Variants in FRMD6 observed in about 807,000 individuals in gnomAD.
The protein encoded by FRMD6 is FERM domain containing 6.
A neutral mutation model predicts 73.2 loss-of-function variants in FRMD6; 37 were observed. That is an observed-to-expected ratio of 0.51 (90% CI 0.39 to 0.66). The LOEUF is 0.66. Ranked by LOEUF, FRMD6 falls within the 30% of genes least tolerant of loss-of-function variation. The pLI, the probability that FRMD6 is intolerant of heterozygous loss-of-function variation, is 0.00. For missense variants in FRMD6, 714 were observed against 780.5 expected (o/e 0.91, Z 1.02); for synonymous variants, 273 against 282.2 (o/e 0.97, Z 0.33).
At chr14:51,446,445 G>GACACACACACAC in the FRMD6 span, among the ~76,000 whole-genome samples, 79 of 139,224 alleles carry the variant, frequency 5.7e-4, 1 homozygote, top group South Asian at 9.9e-4. Context: ...CTCTTGTGTA[G>GACACACACACAC]ACACACACAC....
intron 1 of FRMD6, among the ~76,000 whole-genome samples, chr14:51,513,535 G>T (rs552873857): frequency 6.6e-6 from 1 of 152,120 alleles, no homozygotes; most frequent in Non-Finnish European, 1.5e-5. Flanking sequence ...AAGTCTGGAT[G>T]GCAGAGCCTC....
rs538670816 is a variant in FRMD6, at chr14:51,568,845, C to CTT, written c.-209-1487_-209-1486dup. 4.7e-4 allele frequency among the ~76,000 whole-genome samples: 64 copies of CTT among 137,394 alleles called. 1 individual carries two copies. The highest frequency in any genetic ancestry group is 3.8e-3 in the Middle Eastern group (1 of 262). 90.1% of individuals were successfully genotyped at this position (137,394 alleles called of 152,430 possible). On this transcript the variant is annotated intron_variant, in intron 1 of 14. Coordinates refer to the FRMD6 transcript ENST00000356218. ...AATAAAATATCCAGAAAGGCTTTTACTTTTTTTTTTTTTTTTTGAGATGGA... is the reference window on the plus strand; with the variant it reads ...AATAAAATATCCAGAAAGGCTTTTACTTTTTTTTTTTTTTTTTTTGAGATGGA...
chr14:51,402,994 G>T, the FRMD6 span, among the ~76,000 whole-genome samples: 12 of 152,166 alleles, frequency 7.9e-5, no homozygotes, highest in African/African-American at 2.9e-4. Flanking sequence ...GGTAGGGGAC[G>T]CAGGAAGGTT....
intron 1 of FRMD6, among the ~76,000 whole-genome samples, chr14:51,689,155 G>A (rs1895374717): frequency 6.6e-6 from 1 of 152,212 alleles, no homozygotes; most frequent in Non-Finnish European, 1.5e-5. Flanking sequence ...GATAAATGTT[G>A]TAGAGAGATC....
At chr14:51,438,970 A>G in the FRMD6 span, among the ~76,000 whole-genome samples, 1 of 152,348 alleles carries the variant, frequency 6.6e-6, no homozygotes, top group African/African-American at 2.4e-5. Context: ...AAGTTGTTCA[A>G]ATATGACTAT....
intron 6 of FRMD6, among the ~76,000 whole-genome samples, 159 bp downstream of exon 6, chr14:51,705,094 C>G (rs777390737): frequency 2.6e-5 from 4 of 152,078 alleles, no homozygotes; most frequent in African/African-American, 9.7e-5. Context: ...TGGTGCACAT[C>G]ATGTCTTCAT....
chr14:51,586,362 G>A (rs547323413), intron 2 of FRMD6, among the ~76,000 whole-genome samples: 14 of 151,998 alleles, frequency 9.2e-5, no homozygotes, highest in Admixed American at 7.9e-4. Context: ...TCATATGTTT[G>A]TTGGCCACAT....
At position 51,568,180 on chromosome 14, in the gene FRMD6, G is replaced by T. The variant is rs142627196; in HGVS notation, c.-209-2168G>T. Among the ~76,000 whole-genome samples, 1,180 of 152,346 alleles carry T rather than the reference G, an allele frequency of 7.7e-3. 7 individuals are homozygous for T. The highest frequency in any genetic ancestry group is 0.017 in the Middle Eastern group (5 of 294). On this transcript the variant is annotated intron_variant, in intron 1 of 14. Coordinates refer to the FRMD6 transcript ENST00000356218. ...CTATATTTAGTCCCATGGAGGTGAT[G>T]TTGTTCCTTACAAGCCTTGACTGTG... is the stretch of plus-strand genomic sequence containing the variant.
chr14:51,426,823 C>A, the FRMD6 span, among the ~76,000 whole-genome samples: 4 of 152,286 alleles, frequency 2.6e-5, no homozygotes, highest in East Asian at 7.7e-4. Flanking sequence ...AGTGAGGACC[C>A]TGGCTCGCAG....
intron 2 of FRMD6, among the ~76,000 whole-genome samples, chr14:51,601,517 G>A (rs1490298341): frequency 6.6e-6 from 1 of 152,178 alleles, no homozygotes; most frequent in African/African-American, 2.4e-5. Context: ...TCCAGGTTCA[G>A]TCATATGCTA....
chr14:51,617,457 C>T (rs1890759293), intron 2 of FRMD6, among the ~76,000 whole-genome samples: 1 of 152,138 alleles, frequency 6.6e-6, no homozygotes, highest in Admixed American at 6.5e-5. Context: ...TTGAGAAAAG[C>T]TCAGTATGTT....
chr14:51,686,013 A>G (rs1413359114), intron 1 of FRMD6, among the ~76,000 whole-genome samples: 1 of 152,176 alleles, frequency 6.6e-6, no homozygotes, highest in Admixed American at 6.6e-5. Flanking sequence ...CTACTTAGTC[A>G]TGCTTCGCTT....
At chr14:51,528,928 A>T (rs767701107) in intron 1 of FRMD6, among the ~76,000 whole-genome samples, 1 of 152,154 alleles carries the variant, frequency 6.6e-6, no homozygotes, top group Non-Finnish European at 1.5e-5. Context: ...GAGCTTTCCC[A>T]TCAAAGGGTG....
chr14:51,475,045 C>T, the FRMD6 span, among the ~76,000 whole-genome samples: 2 of 152,168 alleles, frequency 1.3e-5, no homozygotes, highest in Non-Finnish European at 2.9e-5. Context: ...ATGATAATCC[C>T]CACTTCCAAT....
chr14:51,635,122 C>T (rs1324613753), intron 2 of FRMD6, among the ~76,000 whole-genome samples: 1 of 152,120 alleles, frequency 6.6e-6, no homozygotes, highest in Non-Finnish European at 1.5e-5. Context: ...GTGGTTCACA[C>T]CTGTAATTCC....
chr14:51,485,953 A>T (rs1284621470), upstream of FRMD6, among the ~76,000 whole-genome samples: 1 of 151,832 alleles, frequency 6.6e-6, no homozygotes, highest in East Asian at 1.9e-4. Flanking sequence ...AGAATCCCAG[A>T]CCTGATTGTT....
chr14:51,437,914 G>T, the FRMD6 span, among the ~76,000 whole-genome samples: 2 of 152,218 alleles, frequency 1.3e-5, no homozygotes, highest in Non-Finnish European at 2.9e-5. Context: ...GCTGGAAGTT[G>T]TGAGGCCTCT....
intron 1 of FRMD6, among the ~76,000 whole-genome samples, chr14:51,495,205 T>A (rs763862906): frequency 1.3e-5 from 2 of 152,228 alleles, no homozygotes; most frequent in Non-Finnish European, 1.5e-5. Context: ...TCACCTTTCT[T>A]CCATTGTTTA....
At chr14:51,518,499 T>C (rs184746692) in intron 1 of FRMD6, among the ~76,000 whole-genome samples, 1 of 152,212 alleles carries the variant, frequency 6.6e-6, no homozygotes, top group Non-Finnish European at 1.5e-5. Flanking sequence ...TAATGTTCCC[T>C]GTAACTTTCT....
Sources: allele counts gnomAD v4.1 joint callset (sites outside exome capture counted in the v4.1 genomes callset), GRCh38; gene constraint gnomAD v4.1.1; transcripts MANE v1.5; gene names NCBI Gene and HGNC (gene_info 2026-07-23, HGNC 2026-07-21).